The following CARD8 variants were observed in gnomAD, a reference collection of about 807,000 sequenced individuals.
CARD8 encodes the protein caspase recruitment domain-containing protein 8.
CARD8 carries 38 observed loss-of-function variants against 53.2 expected under a neutral mutation model. The ratio of observed to expected loss-of-function variants is 0.71; its 90% confidence interval spans 0.55 to 0.94. The LOEUF (loss-of-function observed/expected upper bound fraction) is 0.94. CARD8 is among the 40% of genes least tolerant of loss of function. The pLI is 0.00. For synonymous variants in CARD8, 245 were observed against 244.9 expected, an observed-to-expected ratio of 1.00 and a Z score of 0.00; for missense variants, 561 against 655.5, an observed-to-expected ratio of 0.86 and a Z score of 1.57.
chr19:48,219,727 T>C (rs1362854584), intron 11 of CARD8, among the ~76,000 whole-genome samples: 3 of 152,044 alleles, frequency 2.0e-5, no homozygotes, highest in Admixed American at 6.6e-5. Flanking sequence ...TCCCAGCACT[T>C]TGGGAGACTG....
At chr19:48,233,521 G>A (rs780632516) in intron 6 of CARD8, 3 of 388,794 alleles carry the variant, frequency 7.7e-6, no homozygotes, top group Admixed American at 3.3e-5. Context: ...TGCTGTCTGC[G>A]GCTACACATT....
Position 48,211,713 on chromosome 19 carries a change from C to T in CARD8, c.1611G>A (p.Leu537=), listed in dbSNP as rs759781205. The part of the protein sequence containing the change: ...YLVSYLRQQN[L] ...CAGACTACCTAACTGACTCATTTTA[C>T]AAATTCTGCTGTCTAAGATAGGACA... is the stretch of plus-strand genomic sequence containing the variant. Residue 537 remains leucine, a synonymous_variant, in exon 14 of 14, where the codon TTG becomes TTA. Transcript: ENST00000651546. The T allele has an allele frequency of 6.2e-6, 10 of 1,613,094 alleles. No individual in the cohort carries two copies. The East Asian group carries it at 2.0e-4, about 32-fold the overall frequency.
At chr19:48,207,582 CT>C (rs1332427606), downstream of CARD8, among the ~76,000 whole-genome samples, 8 of 152,100 alleles carry the variant, frequency 5.3e-5, no homozygotes, top group African/African-American at 1.9e-4. Context: ...TAACATTTTA[CT>C]CATAACGTTT....
intron 10 of CARD8, among the ~76,000 whole-genome samples, chr19:48,226,050 T>C (rs2041717081): frequency 9.6e-6 from 1 of 104,284 alleles, no homozygotes; most frequent in Admixed American, 1.0e-4. Flanking sequence ...CAAGACTCCG[T>C]CTCAAAAAAA....
intron 3 of CARD8, among the ~76,000 whole-genome samples, chr19:48,244,526 G>A (rs577615775): frequency 1.2e-4 from 18 of 152,316 alleles, no homozygotes; most frequent in African/African-American, 4.3e-4. Flanking sequence ...TTTATCTATA[G>A]AGTTTGAATA....
At chr19:48,235,532 T>C (rs1451523818) in intron 5 of CARD8, among the ~76,000 whole-genome samples, 1 of 152,058 alleles carries the variant, frequency 6.6e-6, no homozygotes, top group African/African-American at 2.4e-5. Context: ...GACATAGGCA[T>C]AGGACGTCTG....
At chr19:48,212,442 C>A (rs2038191734) in intron 13 of CARD8, among the ~76,000 whole-genome samples, 1 of 152,210 alleles carries the variant, frequency 6.6e-6, no homozygotes, top group Non-Finnish European at 1.5e-5. Flanking sequence ...TGGAGACATA[C>A]AATGCATAGA....
chr19:48,238,665 G>A (rs2146553195), intron 4 of CARD8, 133 bp from the exon 5 acceptor site: 1 of 771,826 alleles, frequency 1.3e-6, no homozygotes, highest in South Asian at 1.8e-5. Flanking sequence ...CCCATCCATA[G>A]AGATGCCATC....
In CARD8 at chr19:48,228,417, G is replaced by A. The variant is rs559546850; in HGVS notation, c.1035+2021C>T. Among the ~76,000 whole-genome samples, 6 of 152,240 alleles carry A rather than the reference G, an allele frequency of 3.9e-5. No homozygotes were observed. In the South Asian group the frequency reaches 1.2e-3, roughly 32 times the overall value. ...TGCTGTTATAGAAGAGTGTTTCCAA[G>A]GAAGAGCGTGGTCAGTGGAATAGCA... On this transcript the variant is annotated intron_variant, in intron 10 of 13. Coordinates refer to ENST00000651546, the MANE Select transcript of CARD8 (RefSeq NM_001184900.3).
chr19:48,210,963 G>C lies in CARD8; in HGVS notation c.*747C>G, dbSNP rs926022834. 3 of 152,342 alleles carry C rather than the reference G, an allele frequency of 2.0e-5. No individual in the cohort carries two copies. Among genetic ancestry groups the C allele is most frequent in the Non-Finnish European group, 4.4e-5 (3 of 68,032 alleles). 9.4% of individuals were successfully genotyped at this position (152,342 alleles called of 1,614,324 possible). ...GTATGGTACATTGCCAGGAATGTCT[G>C]TCTCAGAATAAGCTGAATTACCCTC... On this transcript the variant is annotated 3_prime_UTR_variant, in exon 14 of 14. Transcript: ENST00000651546.
chr19:48,203,839 C>G, downstream of CARD8: 1 of 229,966 alleles, frequency 4.3e-6, no homozygotes, highest in Non-Finnish European at 9.0e-6. Context: ...TAACCTTGTT[C>G]CTACCTCCAG....
intron 10 of CARD8, chr19:48,223,724 G>A (rs916608757): frequency 1.0e-5 from 4 of 401,784 alleles, no homozygotes; most frequent in South Asian, 5.6e-5. Context: ...CATACCACTG[G>A]ATTAATTTTC....
downstream of CARD8, among the ~76,000 whole-genome samples, chr19:48,207,734 G>GTTTTTTTTT (rs758903014): frequency 4.3e-5 from 5 of 116,534 alleles, no homozygotes; most frequent in African/African-American, 1.5e-4. Flanking sequence ...TTGTTTTTCT[G>GTTTTTTTTT]TTTTTTTTTT....
In CARD8 at chr19:48,215,364, C is replaced by G. The variant is rs149691235; in HGVS notation, c.1324G>C (p.Ala442Pro). 115 of 1,610,754 alleles carry G rather than the reference C, an allele frequency of 7.1e-5. 1 individual carries two copies. The African/African-American group carries it at 1.4e-3, about 20-fold the overall frequency. ...CCTGAGAAAGGAGGAGGGGCTGATG[C>G]AGCTACAAGCTGGAGATCCACTACA... ...VKPVDLQLVA[A>P]SAPPPFSGAA... The change falls in exon 13 of 14, where the codon GCA (alanine) becomes CCA (proline). Residue 442 changes from alanine (A) to proline (P), a missense_variant. Ala to Pro is a conservative substitution (Grantham distance 27). Coordinates refer to ENST00000651546, the MANE Select transcript of CARD8 (RefSeq NM_001184900.3).
intron 2 of CARD8, 25 bp downstream of exon 2, chr19:48,249,726 C>T (rs2046700574): frequency 6.6e-6 from 1 of 152,466 alleles, no homozygotes; most frequent in Non-Finnish European, 1.5e-5. Context: ...AAAGTCACCA[C>T]CTGCTGCGTT....
chr19:48,231,666 C>T lies in CARD8; in HGVS notation c.536G>A (p.Arg179Lys). The T allele has an allele frequency of 6.3e-7, 1 of 1,597,260 alleles. No homozygotes were observed. Residue 179 changes from arginine (R) to lysine (K), a missense_variant, in exon 8 of 14, where the codon AGA becomes AAA. Arg to Lys is a conservative substitution (Grantham distance 26). Coordinates refer to ENST00000651546, the MANE Select transcript of CARD8 (RefSeq NM_001184900.3). ...DVELIDKSTN[R>K]YSVWFPTAGW... ...CAGCATCTTCCATTCTTACCTGTAT[C>T]TGTTTGTGCTCTTATCAATCAACTC... is the stretch of plus-strand genomic sequence containing the variant.
chr19:48,231,141 C>T (rs190746758), intron 8 of CARD8, 135 bp from the exon 9 acceptor site: 195 of 678,332 alleles, frequency 2.9e-4, no homozygotes, highest in African/African-American at 2.5e-3. Flanking sequence ...CATTAGAAAA[C>T]GCTGGGGAGT....
downstream of CARD8, among the ~76,000 whole-genome samples, chr19:48,205,144 A>G (rs752867998): frequency 4.6e-5 from 7 of 152,210 alleles, no homozygotes; most frequent in South Asian, 2.1e-4. Context: ...GCTAACGCCA[A>G]GATCAGCACT....
intron 12 of CARD8, among the ~76,000 whole-genome samples, chr19:48,218,156 CTCT>C (rs1415247268): frequency 9.1e-6 from 1 of 110,018 alleles, no homozygotes; most frequent in Non-Finnish European, 2.1e-5. Context: ...CAATAGATTT[CTCT>C]TTTTTTTTTC....
Sources: gnomAD v4.1 joint callset for allele counts (sites outside exome capture counted in the v4.1 genomes callset) on GRCh38, gnomAD v4.1.1 for gene constraint, MANE v1.5 for transcripts, NCBI Gene and HGNC (gene_info 2026-07-23, HGNC 2026-07-21) for gene names.